The following RAP1GAP variants were observed in gnomAD, a reference collection of about 807,000 sequenced individuals.
RAP1GAP encodes the protein RAP1 GTPase activating protein, also known as rap1 GTPase-activating protein 1.
RAP1GAP carries 35 observed loss-of-function variants against 87.2 expected under a neutral mutation model. That is an observed-to-expected ratio of 0.40 (90% CI 0.31 to 0.53). The LOEUF (loss-of-function observed/expected upper bound fraction) is 0.53, where lower values mean the gene tolerates loss of function less well. RAP1GAP is among the 20% of genes least tolerant of loss of function. The pLI is 0.48. For synonymous variants in RAP1GAP, 375 were observed against 363.9 expected, an observed-to-expected ratio of 1.03 and a Z score of -0.35; for missense variants, 734 against 898.9, an observed-to-expected ratio of 0.82 and a Z score of 2.35.
intron 1 of RAP1GAP, among the ~76,000 whole-genome samples, chr1:21,654,018 G>A (rs1439145460): frequency 6.8e-6 from 1 of 146,308 alleles, no homozygotes; most frequent in African/African-American, 2.5e-5. Flanking sequence ...TCCCACCGAA[G>A]ACAAAGAGCC....
Position 21,634,057 on chromosome 1 carries a change from CCG to C in RAP1GAP, c.-112-7662_-112-7661del, listed in dbSNP as rs1491477910. ...GTGGCTGCCCCAGAACTGCCCCCTCCCGGGGGGGGGGGGGGGCCACAGAAGCC... is the reference window on the plus strand; with the variant it reads ...GTGGCTGCCCCAGAACTGCCCCCTCCGGGGGGGGGGGGGGCCACAGAAGCC... On this transcript the variant is annotated intron_variant, in intron 2 of 24. Transcript: ENST00000374765. The surrounding 1 kb of genome is among the most constrained non-coding windows in gnomAD (Gnocchi z 4.1). Among the ~76,000 whole-genome samples, 6 of 17,054 alleles carry C rather than the reference CCG, an allele frequency of 3.5e-4. No homozygotes were observed. Among genetic ancestry groups the C allele is most frequent in the Admixed American group, 1.4e-3 (2 of 1,468 alleles). 11.2% of individuals were successfully genotyped at this position (17,054 alleles called of 152,430 possible). A position where few individuals can be genotyped will look rare whatever the true frequency, so the allele number is the denominator to read the frequency against.
chr1:21,659,390 C>G (rs2097015062), intron 1 of RAP1GAP, among the ~76,000 whole-genome samples: 1 of 152,204 alleles, frequency 6.6e-6, no homozygotes, highest in Admixed American at 6.5e-5. Context: ...CGCCCCCAGT[C>G]ACCGGCCGCG....
rs754906790 is a variant in RAP1GAP at position 21,617,923 on chromosome 1, T to C, written c.105+11A>G. On this transcript the variant is annotated intron_variant, in intron 6 of 24. Transcript: ENST00000374765. ...TTGAGTAAGGGTGGGCGCGGGGTTC[T>C]AGCTGAGTACCTCGTGCACGCTCGG... is the stretch of plus-strand genomic sequence containing the variant. 15 of 1,614,146 alleles carry C rather than the reference T, an allele frequency of 9.3e-6. No homozygotes were observed. Among genetic ancestry groups the C allele is most frequent in the Non-Finnish European group, 1.3e-5 (15 of 1,180,008 alleles).
intron 1 of RAP1GAP, among the ~76,000 whole-genome samples, chr1:21,660,038 G>T (rs1410605128): frequency 1.3e-5 from 2 of 151,902 alleles, no homozygotes; most frequent in East Asian, 3.9e-4. Flanking sequence ...CCCTGCCCTG[G>T]CTGCTCTGTC....
intron 2 of RAP1GAP, among the ~76,000 whole-genome samples, chr1:21,642,413 T>A (rs1469278010): frequency 6.6e-6 from 1 of 152,140 alleles, no homozygotes; most frequent in African/African-American, 2.4e-5. Context: ...ATCTTCCAGG[T>A]AGTACTTTTA....
chr1:21,597,780 G>A (rs761260580), intron 23 of RAP1GAP, 52 bp from the exon 24 acceptor site: 1 of 1,603,970 alleles, frequency 6.2e-7, no homozygotes. Context: ...AGAAGCAACG[G>A]GGCGGGAGAC....
At chr1:21,628,584 G>A (rs2092976938) in intron 2 of RAP1GAP, among the ~76,000 whole-genome samples, 2 of 152,100 alleles carry the variant, frequency 1.3e-5, no homozygotes, top group Non-Finnish European at 1.5e-5. Context: ...ACTGGGCATG[G>A]TGGTGCACGC....
Position 21,608,909 on chromosome 1 carries a change from T to C in RAP1GAP, c.1099A>G (p.Thr367Ala), listed in dbSNP as rs767492148. 1 of 1,614,112 alleles carries C rather than the reference T, an allele frequency of 6.2e-7. No homozygotes were observed. The highest frequency in any genetic ancestry group is 2.2e-5 in the East Asian group (1 of 44,882). The change falls in exon 16 of 25, where the codon ACA becomes GCA. Residue 367 changes from threonine (T) to alanine (A), a missense_variant. Coordinates refer to ENST00000374765, the MANE Select transcript of RAP1GAP (RefSeq NM_002885.4). ...KGPEFQEFLL[T>A]KLINAEYACY... ...GCATATTCAGCATTGATCAGCTTTG[T>C]CAGCAAAAATTCCTGGAACTCAGGC...
intron 2 of RAP1GAP, among the ~76,000 whole-genome samples, chr1:21,643,340 A>G (rs1203214757): frequency 6.6e-6 from 1 of 152,064 alleles, no homozygotes; most frequent in South Asian, 2.1e-4. Context: ...CGGGCGGATC[A>G]TGAGGTCAGG....
chr1:21,644,079 G>C (rs2095799661), intron 2 of RAP1GAP, among the ~76,000 whole-genome samples: 1 of 152,170 alleles, frequency 6.6e-6, no homozygotes, highest in African/African-American at 2.4e-5. Context: ...AGATCACACA[G>C]CCAAACAGTG....
intron 21 of RAP1GAP, 40 bp downstream of exon 21, chr1:21,599,454 C>T (rs1277347010): frequency 6.3e-7 from 1 of 1,581,364 alleles, no homozygotes; most frequent in Non-Finnish European, 8.6e-7. Flanking sequence ...AGCCCCCTTC[C>T]AAGCTCCTGT....
chr1:21,614,165 A>G (rs761653767), intron 7 of RAP1GAP, 76 bp from the exon 8 acceptor site: 13 of 999,708 alleles, frequency 1.3e-5, no homozygotes, highest in Non-Finnish European at 1.8e-5. Flanking sequence ...CAGAAAGCCA[A>G]CCCACTCCCA....
chr1:21,640,036 G>A (rs1407212280), intron 2 of RAP1GAP, among the ~76,000 whole-genome samples: 1 of 152,154 alleles, frequency 6.6e-6, no homozygotes, highest in Admixed American at 6.5e-5. Flanking sequence ...GGCCCTGCGT[G>A]TCTGCTCCCC....
At chr1:21,649,896 G>T (rs2096420990) in intron 1 of RAP1GAP, 100 bp from the exon 2 acceptor site, 1 of 1,276,210 alleles carries the variant, frequency 7.8e-7, no homozygotes, top group South Asian at 1.3e-5. Flanking sequence ...CCTCCCAGAG[G>T]GGCTGGAGAA....
intron 3 of RAP1GAP, among the ~76,000 whole-genome samples, chr1:21,621,594 C>A (rs1051691533): frequency 1.3e-5 from 2 of 152,208 alleles, no homozygotes; most frequent in African/African-American, 4.8e-5. Context: ...AGAGACAATT[C>A]CGCAGGCAGT....
chr1:21,633,666 G>C (rs1262058513), intron 2 of RAP1GAP, among the ~76,000 whole-genome samples: 1 of 152,110 alleles, frequency 6.6e-6, no homozygotes, highest in Non-Finnish European at 1.5e-5. Flanking sequence ...GGGCGGGGGA[G>C]GGGTTCAGGG....
intron 1 of RAP1GAP, among the ~76,000 whole-genome samples, chr1:21,664,742 G>A (rs829375): frequency 1.0e-5 from 1 of 99,388 alleles, no homozygotes; most frequent in Admixed American, 1.1e-4. Flanking sequence ...TGAAGAAAAG[G>A]CTTATTATTT....
chr1:21,616,722 C>CA (rs1318787055), intron 7 of RAP1GAP, among the ~76,000 whole-genome samples: 3 of 152,234 alleles, frequency 2.0e-5, no homozygotes, highest in Admixed American at 2.0e-4. Context: ...GGGGCTGCAT[C>CA]AACCCATGAC....
chr1:21,644,339 C>A (rs779199597), intron 2 of RAP1GAP, among the ~76,000 whole-genome samples: 2 of 152,166 alleles, frequency 1.3e-5, no homozygotes, highest in Non-Finnish European at 2.9e-5. Flanking sequence ...CATTTTCCAG[C>A]CATACAGCGC....
Sources: gnomAD v4.1 joint callset for allele counts (sites outside exome capture counted in the v4.1 genomes callset) on GRCh38, gnomAD v4.1.1 for gene constraint, Gnocchi (gnomAD v3.1) non-coding constraint, MANE v1.5 for transcripts, NCBI Gene and HGNC (gene_info 2026-07-23, HGNC 2026-07-21) for gene names.